The following GABRA1 variants were observed in gnomAD, a reference collection of about 807,000 sequenced individuals.
The protein encoded by GABRA1 is gamma-aminobutyric acid type A receptor subunit alpha1.
A neutral mutation model predicts 48.9 loss-of-function variants in GABRA1; 9 were observed. The observed-to-expected ratio is 0.18, with a 90% confidence interval of 0.11 to 0.32. The LOEUF is 0.32. Ranked by LOEUF, GABRA1 falls within the 10% of genes least tolerant of loss-of-function variation. The pLI is 1.00. For missense variants in GABRA1, 285 were observed against 553.8 expected, an observed-to-expected ratio of 0.51 and a Z score of 4.87; for synonymous variants, 210 against 198.7, an observed-to-expected ratio of 1.06 and a Z score of -0.48.
chr5:161,882,475 T>C, intron 6 of GABRA1, 83 bp from the exon 7 acceptor site: 3 of 1,291,604 alleles, frequency 2.3e-6, no homozygotes, highest in Non-Finnish European at 3.4e-6. Context: ...ATATAGAAAA[T>C]ATGAAGCTGA....
At chr5:161,868,505 T>C (rs1206699884) in intron 4 of GABRA1, among the ~76,000 whole-genome samples, 2 of 152,088 alleles carry the variant, frequency 1.3e-5, no homozygotes, top group Admixed American at 6.6e-5. Flanking sequence ...ATTGGGAGCA[T>C]ACAGAAATTT....
intron 4 of GABRA1, among the ~76,000 whole-genome samples, chr5:161,872,546 T>C (rs1195929514): frequency 3.3e-5 from 5 of 152,156 alleles, no homozygotes; most frequent in African/African-American, 1.2e-4. Context: ...TCTTCTTTAA[T>C]GTGTAGGATA....
rs1013913945 is a variant in GABRA1, at chr5:161,898,697, C to A, written c.*1275C>A. On this transcript the variant is annotated 3_prime_UTR_variant, in exon 10 of 10. Transcript: ENST00000393943. ...TGCTCTCTGTTCAAGTCATTCCACA[C>A]ATTTCCCTATTTTAGGCTATTATAA... 1 of 152,510 alleles carries A rather than the reference C, an allele frequency of 6.6e-6. No homozygotes were observed. Among genetic ancestry groups the A allele is most frequent in the African/African-American group, 2.4e-5 (1 of 41,442 alleles). 9.4% of individuals were successfully genotyped at this position (152,510 alleles called of 1,614,324 possible).
chr5:161,873,459 A>C (rs1413754975), intron 5 of GABRA1, 122 bp downstream of exon 5: 12 of 794,484 alleles, frequency 1.5e-5, no homozygotes, highest in Non-Finnish European at 2.4e-5. Context: ...CAACCTTAAC[A>C]ATCTTAAAAA....
rs1755430902 is a variant in GABRA1 at position 161,897,636 on chromosome 5, G to A, written c.*214G>A. The A allele has an allele frequency of 7.2e-6, 4 of 554,816 alleles. No homozygotes were observed. The highest frequency in any genetic ancestry group is 3.0e-5 in the East Asian group (1 of 32,872). The allele number at this position is 554,816 out of a possible 1,614,324, so 34.4% of individuals were successfully genotyped here. A position where few individuals can be genotyped will look rare whatever the true frequency, so the allele number is the denominator to read the frequency against. ...GAGACAGGATTCTGACAGAGCAAGC[G>A]AAAGAGCAAAGTCATGTCAGAAGGA... On this transcript the variant is annotated 3_prime_UTR_variant, in exon 10 of 10. Coordinates refer to ENST00000393943, the MANE Select transcript of GABRA1 (RefSeq NM_001127644.2).
chr5:161,852,748 C>T (rs1397390772), intron 2 of GABRA1, among the ~76,000 whole-genome samples: 1 of 151,912 alleles, frequency 6.6e-6, no homozygotes, highest in African/African-American at 2.4e-5. Flanking sequence ...CAAAGAGACA[C>T]ATTACATATA....
At chr5:161,865,217 A>G (rs1285608676) in intron 3 of GABRA1, among the ~76,000 whole-genome samples, 1 of 152,100 alleles carries the variant, frequency 6.6e-6, no homozygotes, top group Non-Finnish European at 1.5e-5. Flanking sequence ...CCAGGGAATA[A>G]TTGGATAACT....
At chr5:161,858,022 TAAAG>T (rs989572015) in intron 3 of GABRA1, among the ~76,000 whole-genome samples, 1 of 141,988 alleles carries the variant, frequency 7.0e-6, no homozygotes, top group African/African-American at 2.6e-5. Context: ...GGATAGAAAA[TAAAG>T]AGAGAACAGA....
At chr5:161,876,426 A>G (rs1251567123) in intron 6 of GABRA1, among the ~76,000 whole-genome samples, 1 of 152,156 alleles carries the variant, frequency 6.6e-6, no homozygotes, top group Non-Finnish European at 1.5e-5. Flanking sequence ...ATGTACAAGG[A>G]CTGAGTCAAC....
intron 7 of GABRA1, among the ~76,000 whole-genome samples, chr5:161,886,445 T>C (rs1455755585): frequency 2.0e-5 from 3 of 151,500 alleles, no homozygotes; most frequent in African/African-American, 7.3e-5. Context: ...GTTTGTAAAA[T>C]GTATGCAGTA....
chr5:161,887,499 G>T (rs1396157934), intron 7 of GABRA1, among the ~76,000 whole-genome samples: 5 of 151,956 alleles, frequency 3.3e-5, no homozygotes. Flanking sequence ...TTCAAATGAA[G>T]ACATGGTCCC....
intron 3 of GABRA1, among the ~76,000 whole-genome samples, chr5:161,860,023 A>G (rs2113331914): frequency 6.6e-6 from 1 of 151,982 alleles, no homozygotes; most frequent in East Asian, 1.9e-4. Context: ...ACTTTGGCAA[A>G]ATGCAATACA....
intron 4 of GABRA1, among the ~76,000 whole-genome samples, chr5:161,867,098 T>C (rs1337743702): frequency 6.6e-6 from 1 of 152,154 alleles, no homozygotes. Flanking sequence ...TCAATCATAC[T>C]TGTGAATGTA....
At chr5:161,895,949 A>G (rs1181077808) in intron 9 of GABRA1, 81 bp downstream of exon 9, 1 of 1,155,912 alleles carries the variant, frequency 8.7e-7, no homozygotes, top group Admixed American at 1.7e-5. Flanking sequence ...GGCCTGTGGT[A>G]TTGGATGGAG....
In GABRA1 at chr5:161,899,768, T is replaced by C. The variant is rs1287654967; in HGVS notation, c.*2346T>C. The C allele has an allele frequency of 6.6e-6, 1 of 152,192 alleles. No homozygotes were observed. The highest frequency in any genetic ancestry group is 1.5e-5 in the Non-Finnish European group (1 of 68,010). 9.4% of individuals were successfully genotyped at this position (152,192 alleles called of 1,614,324 possible). A position where few individuals can be genotyped will look rare whatever the true frequency, so the allele number is the denominator to read the frequency against. On this transcript the variant is annotated 3_prime_UTR_variant, in exon 10 of 10. Coordinates refer to ENST00000393943, the MANE Select transcript of GABRA1 (RefSeq NM_001127644.2). ...CAGTTCCTGTTCACTCCCAGGAAAC[T>C]TTTTTAAAAGATGACACTGAATGTT... is the stretch of plus-strand genomic sequence containing the variant.
At chr5:161,880,115 G>T (rs1312523804) in intron 6 of GABRA1, among the ~76,000 whole-genome samples, 1 of 152,064 alleles carries the variant, frequency 6.6e-6, no homozygotes, top group East Asian at 1.9e-4. Flanking sequence ...CAAATGAACG[G>T]CATCCTAAGT....
chr5:161,879,285 A>T (rs938762880), intron 6 of GABRA1, among the ~76,000 whole-genome samples: 2 of 152,040 alleles, frequency 1.3e-5, no homozygotes, highest in African/African-American at 4.8e-5. Context: ...ATTTTCAAAT[A>T]AATTTTTGTA....
At position 161,852,757 on chromosome 5, in the gene GABRA1, T is replaced by G. The variant is rs140547227; in HGVS notation, c.75-1401T>G. Among the ~76,000 whole-genome samples, 382 of 152,122 alleles carry G rather than the reference T, an allele frequency of 2.5e-3. 6 individuals are homozygous for G. The highest frequency in any genetic ancestry group is 8.9e-3 in the African/African-American group (370 of 41,550). ...TTGTTTCAAAGAGACACATTACATA[T>G]ATCCAATATTATGGATAGCCTTTAG... On this transcript the variant is annotated intron_variant, in intron 2 of 9. Coordinates refer to ENST00000393943, the MANE Select transcript of GABRA1 (RefSeq NM_001127644.2).
chr5:161,892,670 AAAACAAAC>A (rs3078109), intron 8 of GABRA1, among the ~76,000 whole-genome samples: 8,362 of 150,838 alleles, frequency 0.055, 798 homozygotes, highest in African/African-American at 0.19. Flanking sequence ...CTAGGAAATT[AAAACAAAC>A]AAACAAACAA....
Sources: allele counts gnomAD v4.1 joint callset (sites outside exome capture counted in the v4.1 genomes callset), GRCh38; gene constraint gnomAD v4.1.1; transcripts MANE v1.5; gene names NCBI Gene and HGNC (gene_info 2026-07-23, HGNC 2026-07-21).